LSMEM2: variants seen among roughly 807,000 people sequenced by gnomAD.
LSMEM2 encodes leucine-rich single-pass membrane protein 2.
Under a neutral mutation model 17.3 loss-of-function variants are expected in LSMEM2, and 20 were observed. That is an observed-to-expected ratio of 1.16 (90% CI 0.81 to 1.68). LSMEM2 has a LOEUF of 1.68. LSMEM2 is among the 40% of genes most tolerant of loss of function. The pLI, the probability that LSMEM2 is intolerant of heterozygous loss-of-function variation, is 0.00. For synonymous variants in LSMEM2, 94 were observed against 97.8 expected (o/e 0.96, Z 0.23); for missense variants, 207 against 214.3 (o/e 0.97, Z 0.21).
Position 50,286,744 on chromosome 3 carries a change from G to A in LSMEM2, c.243G>A (p.Pro81=), listed in dbSNP as rs146794860. 5.1e-5 allele frequency: 82 copies of A among 1,614,216 alleles called. 1 individual carries two copies. The Middle Eastern group carries it at 1.3e-3, about 26-fold the overall frequency. ...PWDELLGVLP[P]SLCAQAGCSP... ...ATGAGCTGCTGGGCGTTTTGCCGCC[G>A]TCACTGTGTGCCCAGGCTGGCTGCA... The change falls in exon 3 of 4, where the codon CCG becomes CCA. Residue 81 remains proline (P), a synonymous_variant. Transcript: ENST00000316436.
Position 50,286,758 on chromosome 3 carries a change from A to G in LSMEM2, c.257A>G (p.Gln86Arg). 11 of 1,614,240 alleles carry G rather than the reference A, an allele frequency of 6.8e-6. No individual in the cohort carries two copies. The highest frequency in any genetic ancestry group is 9.3e-6 in the Non-Finnish European group (11 of 1,180,038). Residue 86 changes from glutamine (Q) to arginine (R), a missense_variant, in exon 3 of 4, where the codon CAG (glutamine) becomes CGG (arginine). By Grantham distance (43) the Gln-to-Arg change is conservative. Coordinates refer to ENST00000316436, the MANE Select transcript of LSMEM2 (RefSeq NM_153215.3). ...LGVLPPSLCA[Q>R]AGCSPVYRRG... Reference sequence around the variant, plus strand: ...GTTTTGCCGCCGTCACTGTGTGCCCAGGCTGGCTGCAGCCCTGTGTACAGA... The same window carrying G: ...GTTTTGCCGCCGTCACTGTGTGCCCGGGCTGGCTGCAGCCCTGTGTACAGA...
intron 1 of LSMEM2, among the ~76,000 whole-genome samples, chr3:50,282,917 T>A (rs1381469390): frequency 5.3e-5 from 8 of 151,866 alleles, no homozygotes; most frequent in Admixed American, 5.2e-4. Flanking sequence ...CCAGGCATGG[T>A]GGCTCATGCC....
chr3:50,282,386 G>A (rs1701422308), intron 1 of LSMEM2, among the ~76,000 whole-genome samples: 1 of 152,158 alleles, frequency 6.6e-6, no homozygotes, highest in African/African-American at 2.4e-5. Context: ...AGCACGTCAA[G>A]AGGCAGTTTC....
upstream of LSMEM2, chr3:50,279,013 G>A (rs371497694): frequency 5.2e-4 from 647 of 1,256,146 alleles, 8 homozygotes; most frequent in South Asian, 7.7e-3. Context: ...TAGCCCAGTG[G>A]GCTGAGCTCA....
intron 1 of LSMEM2, among the ~76,000 whole-genome samples, chr3:50,285,445 G>C (rs1282286312): frequency 6.6e-6 from 1 of 151,986 alleles, no homozygotes; most frequent in African/African-American, 2.4e-5. Flanking sequence ...TTCCAGACCA[G>C]CCTGGCCAAC....
upstream of LSMEM2, chr3:50,278,953 C>T (rs1304122566): frequency 1.8e-5 from 13 of 714,476 alleles, no homozygotes; most frequent in Middle Eastern, 1.6e-3. Context: ...GGCTGGCCCA[C>T]GTGGATCACT....
At chr3:50,283,660 G>A (rs1701451160) in intron 1 of LSMEM2, among the ~76,000 whole-genome samples, 1 of 150,904 alleles carries the variant, frequency 6.6e-6, no homozygotes, top group Non-Finnish European at 1.5e-5. Context: ...TTTGCAGGGT[G>A]TGGTGGTGCA....
At position 50,286,804 on chromosome 3, in the gene LSMEM2, G is replaced by C; in HGVS notation, c.303G>C (p.Leu101=). The C allele has an allele frequency of 6.2e-7, 1 of 1,614,088 alleles. No individual in the cohort carries two copies. Among genetic ancestry groups the C allele is most frequent in the Non-Finnish European group, 8.5e-7 (1 of 1,180,036 alleles). The change falls in exon 3 of 4, where the codon CTG becomes CTC. Residue 101 remains leucine, a synonymous_variant. Transcript: ENST00000316436. The stretch of plus-strand genomic sequence containing the variant: ...ACAGACGAGGAGGGTTCCTGCTGCT[G>C]CTCGCGCTGCTGGTGCTCACTTGCC... The part of the protein sequence containing the change: ...PVYRRGGFLL[L]LALLVLTCLV...
chr3:50,286,126 C>T (rs1392057657), intron 1 of LSMEM2, among the ~76,000 whole-genome samples: 7 of 152,214 alleles, frequency 4.6e-5, no homozygotes, highest in Admixed American at 4.6e-4. Flanking sequence ...GCAGGGAGAA[C>T]TGACAAAAGA....
chr3:50,283,495 C>T (rs1006172581), intron 1 of LSMEM2, among the ~76,000 whole-genome samples: 3 of 151,866 alleles, frequency 2.0e-5, no homozygotes, highest in African/African-American at 4.8e-5. Flanking sequence ...GGCATGGCAG[C>T]GGACGCCTGT....
At chr3:50,287,043 G>A in intron 3 of LSMEM2, 26 bp from the exon 4 acceptor site, 2 of 1,613,172 alleles carry the variant, frequency 1.2e-6, no homozygotes, top group East Asian at 2.2e-5. Flanking sequence ...CACATGGTCT[G>A]ATGATCCCCC....
intron 1 of LSMEM2, among the ~76,000 whole-genome samples, chr3:50,282,775 C>T (rs1701430377): frequency 6.6e-6 from 1 of 152,022 alleles, no homozygotes; most frequent in African/African-American, 2.4e-5. Context: ...ATCCCAGCTA[C>T]TGGGGAGACG....
At chr3:50,286,257 T>C (rs1478401006) in intron 1 of LSMEM2, 2 of 237,218 alleles carry the variant, frequency 8.4e-6, no homozygotes, top group Non-Finnish European at 1.4e-5. Flanking sequence ...ACAAATCAAA[T>C]GTACCTGTTG....
At chr3:50,283,730 C>G (rs977855580) in intron 1 of LSMEM2, among the ~76,000 whole-genome samples, 2 of 151,942 alleles carry the variant, frequency 1.3e-5, no homozygotes, top group African/African-American at 4.8e-5. Flanking sequence ...ACCCGGGAGG[C>G]GGAGGTTGCA....
At chr3:50,279,523 A>G (rs1407707987) in intron 1 of LSMEM2, among the ~76,000 whole-genome samples, 1 of 152,144 alleles carries the variant, frequency 6.6e-6, no homozygotes, top group Non-Finnish European at 1.5e-5. Flanking sequence ...GGAAGCTGGG[A>G]TTGGGGTGGG....
chr3:50,286,862 G>C lies in LSMEM2; in HGVS notation c.361G>C (p.Val121Leu). The change falls in exon 3 of 4, where the codon GTG (valine) becomes CTG (leucine). Residue 121 changes from valine (V) to leucine (L), a missense_variant and splice_region_variant. Physicochemically the swap from Val to Leu is conservative, Grantham distance 32 (BLOSUM62 1). Transcript: ENST00000316436. ...CGCACTCCTGGCTGTCTACCTGAGC[G>C]GTATGGACGCATAGGGTGCTAGTAG... Reference protein sequence around the residue: ...VLALLAVYLSVLQSESLRILA... With the variant: ...VLALLAVYLSLLQSESLRILA... 2 of 1,613,472 alleles carry C rather than the reference G, an allele frequency of 1.2e-6. No homozygotes were observed. Among genetic ancestry groups the C allele is most frequent in the South Asian group, 2.2e-5 (2 of 91,062 alleles).
rs1553708615 is a variant in LSMEM2, at chr3:50,286,853, T to C, written c.352T>C (p.Tyr118His). ...TCLVLALLAV[Y>H]LSVLQSESLR... ...CCTAGTGCTCGCACTCCTGGCTGTC[T>C]ACCTGAGCGGTATGGACGCATAGGG... Residue 118 changes from tyrosine (Y) to histidine (H), a missense_variant, in exon 3 of 4, where the codon TAC becomes CAC. By Grantham distance (83) the Tyr-to-His change is moderately conservative. Transcript: ENST00000316436. 6.2e-7 allele frequency: 1 copy of C among 1,613,618 alleles called. No individual in the cohort carries two copies.
In LSMEM2 at chr3:50,280,177, C is replaced by CTTTATTTT. The variant is rs1553707588; in HGVS notation, c.58+1009_58+1010insATTTTTTT. ...GGTGAGCCACCGCGCCTGGCCTCAA[C>CTTTATTTT]TTTTTTTTTTTTTGTCACCCAGGCT... On this transcript the variant is annotated intron_variant, in intron 1 of 3. Coordinates refer to ENST00000316436, the MANE Select transcript of LSMEM2 (RefSeq NM_153215.3). Among the ~76,000 whole-genome samples, 4 of 117,672 alleles carry CTTTATTTT rather than the reference C, an allele frequency of 3.4e-5. 1 individual carries two copies. Among genetic ancestry groups the CTTTATTTT allele is most frequent in the African/African-American group, 1.4e-4 (4 of 28,468 alleles). The allele number at this position is 117,672 out of a possible 152,430, so 77.2% of individuals were successfully genotyped here.
upstream of LSMEM2, among the ~76,000 whole-genome samples, chr3:50,278,339 G>A (rs1370396509): frequency 6.6e-6 from 1 of 152,192 alleles, no homozygotes; most frequent in African/African-American, 2.4e-5. Flanking sequence ...CAACCTTATG[G>A]GACCTGTCTG....
Sources: gnomAD v4.1 joint callset for allele counts (sites outside exome capture counted in the v4.1 genomes callset) on GRCh38, gnomAD v4.1.1 for gene constraint, MANE v1.5 for transcripts, NCBI Gene and HGNC (gene_info 2026-07-23, HGNC 2026-07-21) for gene names.